SHANK2: variants seen among roughly 807,000 people sequenced by gnomAD.
SHANK2 encodes SH3 and multiple ankyrin repeat domains 2, also known as SH3 and multiple ankyrin repeat domains protein 2.
Under a neutral mutation model 133.7 loss-of-function variants are expected in SHANK2, and 43 were observed. The ratio of observed to expected loss-of-function variants is 0.32; its 90% CI spans 0.25 to 0.41. SHANK2 has a LOEUF of 0.41. Ranked by LOEUF, SHANK2 falls within the 10% of genes least tolerant of loss-of-function variation. The pLI is 1.00. For missense variants in SHANK2, 1,994 were observed against 2,235.8 expected (o/e 0.89, Z 2.18); for synonymous variants, 1,017 against 952.8 (o/e 1.07, Z -1.24).
chr11:70,746,762 G>A (rs1397301988), intron 14 of SHANK2, among the ~76,000 whole-genome samples: 1 of 152,048 alleles, frequency 6.6e-6, no homozygotes, highest in African/African-American at 2.4e-5. Context: ...TGTGTCCCCA[G>A]GCATGTCACA....
chr11:70,538,137 C>T (rs1476371337), intron 17 of SHANK2, among the ~76,000 whole-genome samples: 1 of 152,224 alleles, frequency 6.6e-6, no homozygotes, highest in Non-Finnish European at 1.5e-5. Context: ...CAGGCGGTCA[C>T]TGTCACCTCC....
intron 15 of SHANK2, among the ~76,000 whole-genome samples, chr11:70,663,638 G>A (rs1360849285): frequency 3.9e-5 from 6 of 152,190 alleles, no homozygotes; most frequent in African/African-American, 1.4e-4. Context: ...CCCGTTGTCA[G>A]CAGCTGGGAG....
rs374825230 is a variant in SHANK2 at position 70,538,339 on chromosome 11, G to A, written c.2062-35408C>T. Among the ~76,000 whole-genome samples the A allele has an allele frequency of 7.2e-5, 11 of 152,374 alleles. No individual in the cohort carries two copies. In the East Asian group the frequency reaches 1.9e-3, roughly 27 times the overall value. On this transcript the variant is annotated intron_variant, in intron 17 of 25. Transcript: ENST00000601538. ...AGGGACCAGGGGATCTGAGGCCACC[G>A]CCTTTGTCCCGAGGGGCTTGGCCAA...
At chr11:71,230,277 G>T (rs1463882096) in intron 1 of SHANK2, among the ~76,000 whole-genome samples, 2 of 152,044 alleles carry the variant, frequency 1.3e-5, no homozygotes, top group Non-Finnish European at 2.9e-5. Flanking sequence ...CTGGGCAACA[G>T]AGCAAGACTC....
At chr11:70,836,087 C>T (rs1027901555) in intron 11 of SHANK2, among the ~76,000 whole-genome samples, 19 of 152,332 alleles carry the variant, frequency 1.2e-4, no homozygotes, top group African/African-American at 3.4e-4. Flanking sequence ...AGTGTCGCTC[C>T]GTTTCCAGCC....
intron 11 of SHANK2, among the ~76,000 whole-genome samples, chr11:70,894,584 G>A (rs1949905513): frequency 6.6e-6 from 1 of 152,190 alleles, no homozygotes; most frequent in Admixed American, 6.5e-5. Context: ...CTTAGGGTCA[G>A]GGGTAGCAGC....
intron 17 of SHANK2, among the ~76,000 whole-genome samples, chr11:70,538,211 T>A (rs1304266964): frequency 1.3e-5 from 2 of 152,218 alleles, no homozygotes; most frequent in Admixed American, 1.3e-4. Context: ...CCTGCAGCCC[T>A]GCCTGTGGAC....
At chr11:70,539,553 T>C (rs1459149194) in intron 17 of SHANK2, among the ~76,000 whole-genome samples, 24 of 92,172 alleles carry the variant, frequency 2.6e-4, no homozygotes, top group Non-Finnish European at 5.2e-4. Flanking sequence ...TCACTCACCA[T>C]ACTCACCACG....
At chr11:70,766,260 C>T (rs1323242647) in intron 14 of SHANK2, among the ~76,000 whole-genome samples, 1 of 152,252 alleles carries the variant, frequency 6.6e-6, no homozygotes, top group Non-Finnish European at 1.5e-5. Context: ...GGCCAGGTCC[C>T]TGTATGTTTG....
chr11:71,136,975 G>A (rs1555104879), intron 3 of SHANK2, among the ~76,000 whole-genome samples: 1 of 152,188 alleles, frequency 6.6e-6, no homozygotes, highest in Non-Finnish European at 1.5e-5. Context: ...GGATTCTCCT[G>A]CCTCAGCCTC....
intron 2 of SHANK2, among the ~76,000 whole-genome samples, chr11:71,155,859 C>T (rs1463568494): frequency 3.9e-5 from 6 of 152,190 alleles, no homozygotes; most frequent in Non-Finnish European, 7.3e-5. Flanking sequence ...TGCTCAAATC[C>T]GTATGTGGAA....
intron 11 of SHANK2, among the ~76,000 whole-genome samples, chr11:70,879,888 G>A (rs558581255): frequency 2.6e-5 from 4 of 152,316 alleles, no homozygotes; most frequent in East Asian, 3.9e-4. Context: ...CAGGGAAAGC[G>A]GAGTCCACAG....
At chr11:70,711,510 G>A (rs560748665) in intron 14 of SHANK2, among the ~76,000 whole-genome samples, 1 of 152,368 alleles carries the variant, frequency 6.6e-6, no homozygotes, top group South Asian at 2.1e-4. Flanking sequence ...TGGGCTCCTT[G>A]CAAGGCAGAG....
intron 17 of SHANK2, among the ~76,000 whole-genome samples, chr11:70,633,292 C>G (rs1377942370): frequency 6.7e-5 from 10 of 149,210 alleles, no homozygotes; most frequent in African/African-American, 2.4e-4. Flanking sequence ...ATAAATAACA[C>G]TGAGTTGAAT....
intron 11 of SHANK2, among the ~76,000 whole-genome samples, chr11:70,824,489 C>A (rs1555056798): frequency 6.6e-6 from 1 of 152,152 alleles, no homozygotes; most frequent in Non-Finnish European, 1.5e-5. Flanking sequence ...TCCATGAACG[C>A]CACCCAGGCT....
At chr11:70,477,122 T>A (rs1591477436) in intron 25 of SHANK2, among the ~76,000 whole-genome samples, 1 of 151,746 alleles carries the variant, frequency 6.6e-6, no homozygotes. Context: ...ACACACGGGG[T>A]CACGCAGCAG....
intron 2 of SHANK2, among the ~76,000 whole-genome samples, chr11:71,168,420 G>A (rs1360249263): frequency 1.3e-5 from 2 of 151,220 alleles, no homozygotes; most frequent in African/African-American, 4.9e-5. Flanking sequence ...TCCCAGACGG[G>A]GTGGCGGCCG....
rs1179967417 is a variant in SHANK2, at chr11:70,568,654, C to G, written c.2062-65723G>C. ...GTGGGCAGCGGATTCCTGCCCCCCC[C>G]GCCCACTTCCTCCCGGCCGGGAGCT... is the stretch of plus-strand genomic sequence containing the variant. On this transcript the variant is annotated intron_variant, in intron 17 of 25. Coordinates refer to ENST00000601538, the MANE Select transcript of SHANK2 (RefSeq NM_012309.5). 2.3e-5 allele frequency among the ~76,000 whole-genome samples: 3 copies of G among 131,716 alleles called. 1 individual carries two copies. Among genetic ancestry groups the G allele is most frequent in the East Asian group, 2.5e-4 (1 of 4,026 alleles). The allele number at this position is 131,716 out of a possible 152,430, so 86.4% of individuals were successfully genotyped here. A position where few individuals can be genotyped will look rare whatever the true frequency, so the allele number is the denominator to read the frequency against.
At chr11:71,094,361 A>T (rs1442253027) in intron 7 of SHANK2, among the ~76,000 whole-genome samples, 176 bp downstream of exon 7, 1 of 152,010 alleles carries the variant, frequency 6.6e-6, no homozygotes, top group Non-Finnish European at 1.5e-5. Flanking sequence ...AGAACAGGAA[A>T]ATCTGAAACC....
Sources: gnomAD v4.1 joint callset for allele counts (sites outside exome capture counted in the v4.1 genomes callset) on GRCh38, gnomAD v4.1.1 for gene constraint, MANE v1.5 for transcripts, NCBI Gene and HGNC (gene_info 2026-07-23, HGNC 2026-07-21) for gene names.